The following IMMP2L variants were observed in gnomAD, a reference collection of about 807,000 sequenced individuals.
IMMP2L encodes mitochondrial inner membrane protease subunit 2.
IMMP2L carries 18 observed loss-of-function variants against 19.3 expected under a neutral mutation model. The observed-to-expected ratio is 0.93, with a 90% CI of 0.64 to 1.38. The LOEUF (loss-of-function observed/expected upper bound fraction) is 1.38, where lower values mean the gene tolerates loss of function less well. IMMP2L is among the 40% of genes most tolerant of loss of function. IMMP2L has a pLI of 0.00. For synonymous variants in IMMP2L, 76 were observed against 73.0 expected (o/e 1.04, Z -0.21); for missense variants, 233 against 218.2 (o/e 1.07, Z -0.43).
At chr7:111,048,316 T>C (rs1792652632) in intron 3 of IMMP2L, among the ~76,000 whole-genome samples, 2 of 150,818 alleles carry the variant, frequency 1.3e-5, no homozygotes, top group Admixed American at 1.3e-4. Context: ...CCTTTACTAG[T>C]TTTGGTTAAT....
intron 3 of IMMP2L, among the ~76,000 whole-genome samples, chr7:111,347,617 A>G (rs183050949): frequency 6.6e-6 from 1 of 152,178 alleles, no homozygotes; most frequent in East Asian, 1.9e-4. Flanking sequence ...GGATGGCTAC[A>G]GAGAGGAAGC....
rs193296109 is a variant in IMMP2L at position 110,735,528 on chromosome 7, C to G, written c.409-71807G>C. On this transcript the variant is annotated intron_variant, in intron 5 of 5. Coordinates refer to ENST00000405709, the MANE Select transcript of IMMP2L (RefSeq NM_032549.4). ...CAATGAATGAGGCTGGGTGTGGTGG[C>G]TTGTGCCTTTAATCCCAGCAATTTG... Among the ~76,000 whole-genome samples, 795 of 151,944 alleles carry G rather than the reference C, an allele frequency of 5.2e-3. 7 individuals carry two copies. Among genetic ancestry groups the G allele is most frequent in the Non-Finnish European group, 9.0e-3 (615 of 67,968 alleles).
At chr7:111,089,033 A>T (rs1796588174) in intron 3 of IMMP2L, among the ~76,000 whole-genome samples, 2 of 152,308 alleles carry the variant, frequency 1.3e-5, no homozygotes, top group South Asian at 4.1e-4. Flanking sequence ...TTTATCATGT[A>T]CCTACATTAA....
intron 3 of IMMP2L, among the ~76,000 whole-genome samples, chr7:111,243,379 T>C (rs1322698540): frequency 6.6e-6 from 1 of 152,132 alleles, no homozygotes; most frequent in African/African-American, 2.4e-5. Context: ...TCCCAAGCTG[T>C]TGAAATTTTA....
intron 3 of IMMP2L, among the ~76,000 whole-genome samples, chr7:111,120,047 A>C (rs756296944): frequency 3.9e-5 from 6 of 152,236 alleles, no homozygotes; most frequent in Non-Finnish European, 4.4e-5. Flanking sequence ...CTCTACCAAT[A>C]GGGAGAAGGT....
intron 3 of IMMP2L, among the ~76,000 whole-genome samples, chr7:111,096,508 T>TAAAAAAAAAAA (rs5886589): frequency 6.9e-6 from 1 of 144,776 alleles, no homozygotes; most frequent in Non-Finnish European, 1.5e-5. Context: ...GAGTTAAATT[T>TAAAAAAAAAAA]AAAAAAAAAA....
intron 3 of IMMP2L, among the ~76,000 whole-genome samples, chr7:111,036,561 T>C (rs1430663257): frequency 6.6e-6 from 1 of 152,136 alleles, no homozygotes. Context: ...TAGGGCAGGA[T>C]CTTTGTTCTC....
intron 5 of IMMP2L, among the ~76,000 whole-genome samples, chr7:110,807,182 G>C (rs1324542738): frequency 2.6e-5 from 4 of 151,862 alleles, no homozygotes; most frequent in Non-Finnish European, 5.9e-5. Context: ...TGCTTACTCT[G>C]GTTTCTCCTC....
chr7:111,198,493 G>A (rs1171924173), intron 3 of IMMP2L, among the ~76,000 whole-genome samples: 1 of 152,074 alleles, frequency 6.6e-6, no homozygotes, highest in African/African-American at 2.4e-5. Context: ...GGTGTACCAG[G>A]TCACTCTGGT....
intron 3 of IMMP2L, among the ~76,000 whole-genome samples, chr7:111,273,687 A>T (rs1818722434): frequency 6.6e-6 from 1 of 152,128 alleles, no homozygotes. Context: ...AAGGGGTCTT[A>T]AGTTCTGGAT....
chr7:110,733,517 A>G (rs1796414665), intron 5 of IMMP2L, among the ~76,000 whole-genome samples: 1 of 140,376 alleles, frequency 7.1e-6, no homozygotes, highest in Non-Finnish European at 1.6e-5. Flanking sequence ...ATTTCTAAGA[A>G]AAGAGGAAGG....
intron 3 of IMMP2L, among the ~76,000 whole-genome samples, chr7:111,115,054 G>A (rs1799712260): frequency 2.0e-5 from 3 of 152,224 alleles, no homozygotes; most frequent in Non-Finnish European, 2.9e-5. Flanking sequence ...TCTAAGATGA[G>A]TGAATATTAA....
rs548201034 is a variant in IMMP2L at position 111,235,201 on chromosome 7, G to T, written c.239+252037C>A. On this transcript the variant is annotated intron_variant, in intron 3 of 5. Coordinates refer to ENST00000405709, the MANE Select transcript of IMMP2L (RefSeq NM_032549.4). ...AATTCCACATTGATGGCCTTGGACA[G>T]TGGCTCACGCCTGTAATACCAGCAC... Among the ~76,000 whole-genome samples, 61 of 152,118 alleles carry T rather than the reference G, an allele frequency of 4.0e-4. 1 individual carries two copies. The highest frequency in any genetic ancestry group is 1.4e-3 in the African/African-American group (57 of 41,478).
chr7:111,364,126 T>C (rs997746724), intron 3 of IMMP2L, among the ~76,000 whole-genome samples: 4 of 152,036 alleles, frequency 2.6e-5, no homozygotes, highest in African/African-American at 9.7e-5. Flanking sequence ...TTTCTCTATA[T>C]AGACAGTAAC....
intron 4 of IMMP2L, among the ~76,000 whole-genome samples, chr7:110,945,836 G>A (rs966403060): frequency 6.6e-6 from 1 of 152,098 alleles, no homozygotes. Context: ...AAGGGAATAG[G>A]AGGACCTGAC....
chr7:111,035,609 T>C (rs1486444600), intron 3 of IMMP2L, among the ~76,000 whole-genome samples: 1 of 152,216 alleles, frequency 6.6e-6, no homozygotes, highest in Non-Finnish European at 1.5e-5. Context: ...ACGCTAGCAA[T>C]AATATCTTTG....
At chr7:111,230,344 C>T (rs1459286598) in intron 3 of IMMP2L, among the ~76,000 whole-genome samples, 4 of 151,922 alleles carry the variant, frequency 2.6e-5, no homozygotes, top group Admixed American at 6.6e-5. Flanking sequence ...CAAACACTAG[C>T]AAGGTCTTCC....
intron 4 of IMMP2L, among the ~76,000 whole-genome samples, chr7:110,914,293 C>T (rs528753427): frequency 4.6e-5 from 7 of 152,272 alleles, no homozygotes; most frequent in East Asian, 1.9e-4. Flanking sequence ...CTGGGAGCAA[C>T]GGTTTTGGCA....
At chr7:111,374,741 T>C (rs1830534729) in intron 3 of IMMP2L, among the ~76,000 whole-genome samples, 1 of 152,154 alleles carries the variant, frequency 6.6e-6, no homozygotes, top group Non-Finnish European at 1.5e-5. Context: ...TTTAATAGTA[T>C]TCTCTCCTAG....
Sources: allele counts gnomAD v4.1 joint callset (sites outside exome capture counted in the v4.1 genomes callset), GRCh38; gene constraint gnomAD v4.1.1; transcripts MANE v1.5; gene names NCBI Gene and HGNC (gene_info 2026-07-23, HGNC 2026-07-21).